The following CSTF3 variants were observed in gnomAD, a reference collection of about 807,000 sequenced individuals.
The protein encoded by CSTF3 is cleavage stimulation factor subunit 3, also known as CF-1 77 kDa subunit.
A neutral mutation model predicts 105.8 loss-of-function variants in CSTF3; 29 were observed. The observed-to-expected ratio is 0.27, with a 90% CI of 0.20 to 0.37. The LOEUF is 0.37. CSTF3 is among the 10% of genes least tolerant of loss of function. CSTF3 has a pLI of 1.00. For synonymous variants in CSTF3, 252 were observed against 281.9 expected, an observed-to-expected ratio of 0.89 and a Z score of 1.06; for missense variants, 357 against 879.3, an observed-to-expected ratio of 0.41 and a Z score of 7.51.
At chr11:33,116,920 CTT>C (rs992534370) in intron 3 of CSTF3, among the ~76,000 whole-genome samples, 1 of 141,652 alleles carries the variant, frequency 7.1e-6, no homozygotes, top group Non-Finnish European at 1.6e-5. Context: ...GAACAACAGA[CTT>C]TTTTTTTTTT....
rs1476870511 is a variant in CSTF3, at chr11:33,099,273, A to G, written c.937-123T>C. On this transcript the variant is annotated intron_variant, in intron 11 of 20. Coordinates refer to ENST00000323959, the MANE Select transcript of CSTF3 (RefSeq NM_001326.3). This position sits in a 1 kb window ranked among gnomAD's most constrained non-coding sequence, Gnocchi z 4.1. ...TCTAAGAAAGCATACATGTATGTAC[A>G]CACATATATATGTATCCACACACAC... is the stretch of plus-strand genomic sequence containing the variant. 1 of 1,170,206 alleles carries G rather than the reference A, an allele frequency of 8.5e-7. No individual in the cohort carries two copies. Among genetic ancestry groups the G allele is most frequent in the Non-Finnish European group, 1.2e-6 (1 of 841,226 alleles). The allele number at this position is 1,170,206 out of a possible 1,614,324, so 72.5% of individuals were successfully genotyped here. A position where few individuals can be genotyped will look rare whatever the true frequency, so the allele number is the denominator to read the frequency against.
intron 3 of CSTF3, among the ~76,000 whole-genome samples, chr11:33,129,644 T>C (rs187472181): frequency 9.2e-5 from 14 of 152,322 alleles, no homozygotes; most frequent in Non-Finnish European, 1.5e-4. Flanking sequence ...TTTTAAGGAC[T>C]AGTCCTCCAC....
chr11:33,102,106 A>G, intron 10 of CSTF3, 71 bp downstream of exon 10: 1 of 1,262,774 alleles, frequency 7.9e-7, no homozygotes, highest in Non-Finnish European at 1.1e-6. Context: ...AGAAAATTTT[A>G]GTAACCTATG....
chr11:33,086,483 G>A (rs1855106796), intron 18 of CSTF3, among the ~76,000 whole-genome samples: 1 of 151,424 alleles, frequency 6.6e-6, no homozygotes, highest in African/African-American at 2.4e-5. Context: ...TGTTGCCCAG[G>A]CTGGAGTGCA....
At position 33,087,070 on chromosome 11, in the gene CSTF3, C is replaced by G; in HGVS notation, c.1713G>C (p.Leu571=). ...CTGGTTTTCTATCCACTTCATCTTT[C>G]AGAACAGGCACTATAGAAGGAGCTA... The part of the protein sequence containing the change: ...PVVAPSIVPV[L]KDEVDRKPEY... The change falls in exon 18 of 21, where the codon CTG becomes CTC. Residue 571 remains leucine, a synonymous_variant. Coordinates refer to ENST00000323959, the MANE Select transcript of CSTF3 (RefSeq NM_001326.3). 6.2e-7 allele frequency: 1 copy of G among 1,614,118 alleles called. No homozygotes were observed. The highest frequency in any genetic ancestry group is 8.5e-7 in the Non-Finnish European group (1 of 1,180,004).
chr11:33,094,706 C>A (rs76551696), intron 15 of CSTF3, among the ~76,000 whole-genome samples: 2,856 of 152,090 alleles, frequency 0.019, 70 homozygotes, highest in African/African-American at 0.064. Flanking sequence ...AGCTGAAATA[C>A]AAAATCATAT....
chr11:33,092,649 A>G (rs556831063), intron 15 of CSTF3, among the ~76,000 whole-genome samples: 62 of 152,294 alleles, frequency 4.1e-4, no homozygotes, highest in Non-Finnish European at 8.1e-4. Flanking sequence ...TGAACCAGGT[A>G]TCCCATTTGC....
At chr11:33,105,858 A>G (rs1855320863) in intron 7 of CSTF3, 25 bp downstream of exon 7, 3 of 1,517,488 alleles carry the variant, frequency 2.0e-6, no homozygotes, top group African/African-American at 1.4e-5. Context: ...CTGTAGATGT[A>G]AAAAAAAACT....
intron 1 of CSTF3, among the ~76,000 whole-genome samples, chr11:33,148,866 T>TG (rs1411988661): frequency 2.7e-5 from 4 of 150,886 alleles, no homozygotes; most frequent in South Asian, 4.2e-4. Context: ...CTGTGTTTTT[T>TG]TTTTTTTTTT....
chr11:33,112,569 T>TA (rs1855390417), intron 3 of CSTF3, among the ~76,000 whole-genome samples: 1 of 152,192 alleles, frequency 6.6e-6, no homozygotes, highest in Non-Finnish European at 1.5e-5. Context: ...GCAATGGTGT[T>TA]ACTATAATTG....
chr11:33,150,166 G>A (rs1355688493), intron 1 of CSTF3, among the ~76,000 whole-genome samples: 1 of 138,780 alleles, frequency 7.2e-6, no homozygotes, highest in African/African-American at 2.7e-5. Context: ...AGTGAGCCAA[G>A]ATCATACCAC....
chr11:33,116,089 G>A (rs530583030), intron 3 of CSTF3, among the ~76,000 whole-genome samples: 1 of 152,168 alleles, frequency 6.6e-6, no homozygotes. Context: ...CCACTGTGAA[G>A]TATAGTTTAA....
In CSTF3 at chr11:33,085,940, T is replaced by C. The variant is rs367945525; in HGVS notation, c.1845A>G (p.Ala615=). The C allele has an allele frequency of 3.9e-6, 6 of 1,545,254 alleles. No homozygotes were observed. The highest frequency in any genetic ancestry group is 5.2e-6 in the Non-Finnish European group (6 of 1,150,142). The change falls in exon 19 of 21, where the codon GCA becomes GCG. Residue 615 remains alanine (A), a synonymous_variant. Transcript: ENST00000323959. The part of the protein sequence containing the change: ...VPGGVFPVPP[A]AVVLMKLLPP... Reference sequence around the variant, plus strand: ...GGAGAAGTTTCATTAAAACAACAGCTGCAGGAGGGACTGGGAACACTCCAC... The same window carrying C: ...GGAGAAGTTTCATTAAAACAACAGCCGCAGGAGGGACTGGGAACACTCCAC...
intron 3 of CSTF3, among the ~76,000 whole-genome samples, chr11:33,126,981 G>T (rs185982732): frequency 1.3e-5 from 2 of 152,334 alleles, no homozygotes; most frequent in East Asian, 3.9e-4. Flanking sequence ...ATCTCAATGA[G>T]AAGTTAACAT....
chr11:33,122,813 GGCT>G (rs1855504081), intron 3 of CSTF3, among the ~76,000 whole-genome samples: 1 of 151,444 alleles, frequency 6.6e-6, no homozygotes, highest in South Asian at 2.1e-4. Flanking sequence ...CTACTTGAGG[GGCT>G]GAAGTGGGGG....
intron 1 of CSTF3, among the ~76,000 whole-genome samples, chr11:33,159,666 A>G (rs1849912967): frequency 6.8e-6 from 1 of 147,592 alleles, no homozygotes; most frequent in South Asian, 2.2e-4. Context: ...CCAGCTACGG[A>G]GGAGGCTGAG....
intron 18 of CSTF3, among the ~76,000 whole-genome samples, chr11:33,086,198 TTG>T (rs1195441304): frequency 1.3e-5 from 2 of 152,224 alleles, no homozygotes; most frequent in African/African-American, 4.8e-5. Flanking sequence ...ACAAGTGACT[TTG>T]TGTAAGACAA....
At chr11:33,095,583 A>G (rs1855211918) in intron 15 of CSTF3, among the ~76,000 whole-genome samples, 1 of 151,984 alleles carries the variant, frequency 6.6e-6, no homozygotes. Flanking sequence ...GCACTTTGGG[A>G]GGCCGAGGCG....
intron 15 of CSTF3, among the ~76,000 whole-genome samples, chr11:33,092,729 G>A (rs1590262353): frequency 1.3e-5 from 2 of 152,116 alleles, no homozygotes; most frequent in African/African-American, 2.4e-5. Context: ...TAAATACATT[G>A]AACATGGAAG....
Sources: gnomAD v4.1 joint callset for allele counts (sites outside exome capture counted in the v4.1 genomes callset) on GRCh38, gnomAD v4.1.1 for gene constraint, Gnocchi (gnomAD v3.1) non-coding constraint, MANE v1.5 for transcripts, NCBI Gene and HGNC (gene_info 2026-07-23, HGNC 2026-07-21) for gene names.